Variants in DNAI4 observed in about 807,000 individuals in gnomAD.
The protein encoded by DNAI4 is dynein axonemal intermediate chain 4.
In DNAI4, 85 loss-of-function variants were observed where a neutral mutation model predicts 105.8. The observed-to-expected ratio is 0.80, with a 90% confidence interval of 0.67 to 0.96. DNAI4 has a LOEUF of 0.96. Among genes scored for constraint, DNAI4 ranks in the 40% least tolerant of loss-of-function variants. The probability of loss-of-function intolerance (pLI) is 0.00; values close to 1 mark genes in which losing one functional copy is unlikely to be tolerated. For missense variants in DNAI4, 1,014 were observed against 1,005.6 expected, an observed-to-expected ratio of 1.01 and a Z score of -0.11; for synonymous variants, 352 against 331.5, an observed-to-expected ratio of 1.06 and a Z score of -0.67.
chr1:66,886,901 G>T (rs931240255), intron 4 of DNAI4, among the ~76,000 whole-genome samples: 5 of 151,952 alleles, frequency 3.3e-5, no homozygotes, highest in Non-Finnish European at 7.4e-5. Context: ...ACCCTATCTG[G>T]GCTATAGTTT....
chr1:66,832,751 A>G (rs1015228157), intron 13 of DNAI4, among the ~76,000 whole-genome samples: 5 of 152,174 alleles, frequency 3.3e-5, no homozygotes, highest in African/African-American at 1.2e-4. Flanking sequence ...TACTCATTGC[A>G]TGCCTGTATC....
intron 16 of DNAI4, 60 bp downstream of exon 16, chr1:66,822,301 C>A: frequency 1.4e-6 from 2 of 1,407,836 alleles, no homozygotes; most frequent in Non-Finnish European, 1.9e-6. Flanking sequence ...TTGCATGCTA[C>A]AAAAGTATAA....
intron 7 of DNAI4, among the ~76,000 whole-genome samples, chr1:66,854,440 G>A (rs1646458480): frequency 6.6e-6 from 1 of 151,942 alleles, no homozygotes; most frequent in Non-Finnish European, 1.5e-5. Context: ...AAAAAACTTA[G>A]GTGTAAATCT....
At chr1:66,817,120 C>T (rs1645533561) in intron 16 of DNAI4, among the ~76,000 whole-genome samples, 1 of 152,136 alleles carries the variant, frequency 6.6e-6, no homozygotes, top group Admixed American at 6.6e-5. Context: ...TGTAATTACA[C>T]ATGTGAAAAT....
chr1:66,902,722 T>TA (rs1648924896), intron 2 of DNAI4, among the ~76,000 whole-genome samples: 1 of 152,252 alleles, frequency 6.6e-6, no homozygotes, highest in African/African-American at 2.4e-5. Context: ...TTTTTGCAGA[T>TA]GGTATAAGGT....
At chr1:66,859,528 C>CA (rs1278342828) in intron 7 of DNAI4, among the ~76,000 whole-genome samples, 1 of 152,048 alleles carries the variant, frequency 6.6e-6, no homozygotes, top group African/African-American at 2.4e-5. Flanking sequence ...TTCGAAATTA[C>CA]AAAAAATTTG....
rs201204041 is a variant in DNAI4 at position 66,826,862 on chromosome 1, G to T, written c.2297C>A (p.Ala766Glu). 2.4e-5 allele frequency: 39 copies of T among 1,613,898 alleles called. No individual in the cohort carries two copies. ...SPKSSYIFAA[A>E]NENRVEIWDL... ...CCAAATCTCCACCCTGTTCTCATTT[G>T]CAGCTGCAAATATATAGGATGATTT... The change falls in exon 15 of 17, where the codon GCA becomes GAA. Residue 766 changes from alanine (A) to glutamate (E), a missense_variant. Coordinates refer to ENST00000371026, the MANE Select transcript of DNAI4 (RefSeq NM_024763.5).
At chr1:66,820,283 G>A (rs903363319) in intron 16 of DNAI4, among the ~76,000 whole-genome samples, 2 of 152,068 alleles carry the variant, frequency 1.3e-5, no homozygotes, top group African/African-American at 2.4e-5. Flanking sequence ...AAACAGGTAA[G>A]TAAAAAGAAA....
intron 1 of DNAI4, among the ~76,000 whole-genome samples, chr1:66,923,823 T>C (rs1348725542): frequency 6.6e-6 from 1 of 152,056 alleles, no homozygotes; most frequent in Admixed American, 6.5e-5. Flanking sequence ...TGGGGGAACT[T>C]AGTGGGCAGC....
At chr1:66,825,325 G>A (rs922343801) in intron 15 of DNAI4, among the ~76,000 whole-genome samples, 8 of 151,184 alleles carry the variant, frequency 5.3e-5, no homozygotes, top group East Asian at 1.9e-4. Context: ...GACTACAGGC[G>A]CCCGCCACCG....
chr1:66,850,289 G>A (rs1022145151), intron 7 of DNAI4, among the ~76,000 whole-genome samples: 22 of 152,010 alleles, frequency 1.4e-4, no homozygotes, highest in African/African-American at 4.8e-4. Flanking sequence ...GTTCTGAGTG[G>A]AAAGAATGGT....
intron 2 of DNAI4, among the ~76,000 whole-genome samples, chr1:66,894,985 A>T (rs1052400449): frequency 6.6e-6 from 1 of 152,158 alleles, no homozygotes; most frequent in Admixed American, 6.5e-5. Flanking sequence ...GAATCTATAA[A>T]TCAAAATTTA....
intron 16 of DNAI4, 152 bp from the exon 17 acceptor site, chr1:66,814,332 TA>T (rs1645468265): frequency 6.7e-6 from 4 of 598,326 alleles, no homozygotes; most frequent in Non-Finnish European, 1.1e-5. Flanking sequence ...GTTTAAACAG[TA>T]ATGGTTATTT....
intron 1 of DNAI4, among the ~76,000 whole-genome samples, chr1:66,919,403 TGG>T (rs1650300317): frequency 3.9e-5 from 6 of 152,192 alleles, no homozygotes; most frequent in Admixed American, 2.6e-4. Flanking sequence ...ACACCTACCT[TGG>T]AAATTGGAGA....
chr1:66,840,347 C>A, intron 9 of DNAI4, 122 bp downstream of exon 9: 1 of 920,184 alleles, frequency 1.1e-6, no homozygotes, highest in Non-Finnish European at 1.6e-6. Context: ...TTCTAAAACT[C>A]AAAGTTATGG....
intron 6 of DNAI4, among the ~76,000 whole-genome samples, chr1:66,866,851 A>T (rs1646744957): frequency 6.6e-6 from 1 of 152,196 alleles, no homozygotes; most frequent in South Asian, 2.1e-4. Flanking sequence ...AATTAAAATT[A>T]AAAATTACCA....
chr1:66,815,185 AAT>A (rs1645491024), intron 16 of DNAI4, among the ~76,000 whole-genome samples: 1 of 152,192 alleles, frequency 6.6e-6, no homozygotes, highest in Non-Finnish European at 1.5e-5. Context: ...TTCTAACCTT[AAT>A]ATGTTTCTCA....
intron 6 of DNAI4, among the ~76,000 whole-genome samples, chr1:66,867,768 T>C (rs537048113): frequency 6.6e-6 from 1 of 152,322 alleles, no homozygotes; most frequent in Non-Finnish European, 1.5e-5. Context: ...TATTTGTTTT[T>C]GAATCCTTAT....
chr1:66,836,256 GAAAGAAAGAAAGAA>G (rs1251364634), intron 10 of DNAI4, among the ~76,000 whole-genome samples: 200 of 14,104 alleles, frequency 0.014, 3 homozygotes, highest in African/African-American at 0.041. Flanking sequence ...GAGAGAGAGA[GAAAGAAAGAAAGAA>G]AGAAAGAAAG....
Sources: allele counts gnomAD v4.1 joint callset (sites outside exome capture counted in the v4.1 genomes callset), GRCh38; gene constraint gnomAD v4.1.1; transcripts MANE v1.5; gene names NCBI Gene and HGNC (gene_info 2026-07-23, HGNC 2026-07-21).